FOXN3: variants seen among roughly 807,000 people sequenced by gnomAD.
FOXN3 encodes the protein forkhead box N3, also known as forkhead box protein N3.
Under a neutral mutation model 38.4 loss-of-function variants are expected in FOXN3, and 7 were observed. That is an observed-to-expected ratio of 0.18 (90% confidence interval 0.10 to 0.34). The LOEUF (loss-of-function observed/expected upper bound fraction) is 0.34. Among genes scored for constraint, FOXN3 ranks in the 10% least tolerant of loss-of-function variants. The pLI, the probability that FOXN3 is intolerant of heterozygous loss-of-function variation, is 1.00. For synonymous variants in FOXN3, 230 were observed against 242.2 expected, an observed-to-expected ratio of 0.95 and a Z score of 0.47; for missense variants, 456 against 613.4, an observed-to-expected ratio of 0.74 and a Z score of 2.71.
In FOXN3 at chr14:89,159,585, G is replaced by A. The variant is rs1039604340; in HGVS notation, c.*2829C>T. 7 of 152,410 alleles carry A rather than the reference G, an allele frequency of 4.6e-5. No homozygotes were observed. The highest frequency in any genetic ancestry group is 1.0e-4 in the Non-Finnish European group (7 of 68,046). The allele number at this position is 152,410 out of a possible 1,614,324, so 9.4% of individuals were successfully genotyped here. A position where few individuals can be genotyped will look rare whatever the true frequency, so the allele number is the denominator to read the frequency against. ...CCCCTTTAGAAAAATGAAATGAGGG[G>A]AGACAGCCCACGGTGGGGGTTTTAA... On this transcript the variant is annotated 3_prime_UTR_variant, in exon 6 of 6. Coordinates refer to ENST00000557258, the MANE Select transcript of FOXN3 (RefSeq NM_005197.4).
intron 5 of FOXN3, among the ~76,000 whole-genome samples, chr14:89,175,893 C>T (rs985025947): frequency 2.6e-5 from 4 of 152,062 alleles, no homozygotes; most frequent in Non-Finnish European, 5.9e-5. Context: ...GTGGGACAGC[C>T]CACGATGCTG....
chr14:89,311,071 A>G (rs577166905), intron 3 of FOXN3, among the ~76,000 whole-genome samples: 5 of 148,782 alleles, frequency 3.4e-5, no homozygotes, highest in African/African-American at 1.0e-4. Context: ...GCGCCATTGC[A>G]TTCCAGCCTG....
intron 2 of FOXN3, among the ~76,000 whole-genome samples, chr14:89,399,118 T>C (rs918787179): frequency 6.6e-6 from 1 of 152,264 alleles, no homozygotes; most frequent in Non-Finnish European, 1.5e-5. Flanking sequence ...AGCAGCTATC[T>C]TGATCCGGTG....
intron 4 of FOXN3, among the ~76,000 whole-genome samples, chr14:89,277,994 A>G (rs1886348644): frequency 6.6e-6 from 1 of 152,078 alleles, no homozygotes; most frequent in Admixed American, 6.5e-5. Context: ...CAGTTCTCCC[A>G]AGAAATGACA....
chr14:89,386,404 C>T (rs1321004947), intron 2 of FOXN3, among the ~76,000 whole-genome samples: 2 of 152,250 alleles, frequency 1.3e-5, no homozygotes, highest in African/African-American at 2.4e-5. Context: ...CCGCAGAGGC[C>T]TGCCCTGCAC....
intron 5 of FOXN3, among the ~76,000 whole-genome samples, chr14:89,168,235 T>C (rs769289576): frequency 3.3e-5 from 5 of 152,250 alleles, no homozygotes; most frequent in Non-Finnish European, 7.3e-5. Flanking sequence ...AAAGTTAGTA[T>C]GTTTAAATAA....
At chr14:89,511,004 C>T (rs1450669299) in intron 1 of FOXN3, among the ~76,000 whole-genome samples, 1 of 151,984 alleles carries the variant, frequency 6.6e-6, no homozygotes, top group East Asian at 1.9e-4. Context: ...GCTTCTTCTC[C>T]TGTTCCATTA....
At chr14:89,366,626 T>C (rs1008821754) in intron 2 of FOXN3, among the ~76,000 whole-genome samples, 4 of 152,190 alleles carry the variant, frequency 2.6e-5, no homozygotes, top group Admixed American at 1.3e-4. Flanking sequence ...TTTTTAAAGC[T>C]CAAGGCCTAG....
chr14:89,176,986 G>A (rs1290237092), intron 5 of FOXN3, among the ~76,000 whole-genome samples: 15 of 149,080 alleles, frequency 1.0e-4, no homozygotes, highest in Admixed American at 3.4e-4. Context: ...TTCTTTACTG[G>A]TTATCTCTCT....
intron 4 of FOXN3, among the ~76,000 whole-genome samples, chr14:89,268,438 TTAAC>T (rs1469217377): frequency 6.6e-6 from 1 of 152,216 alleles, no homozygotes; most frequent in African/African-American, 2.4e-5. Flanking sequence ...TATACTTAGT[TTAAC>T]TAACACTGTT....
At chr14:89,475,190 C>CAT (rs1415393234) in intron 1 of FOXN3, among the ~76,000 whole-genome samples, 1 of 152,118 alleles carries the variant, frequency 6.6e-6, no homozygotes. Flanking sequence ...TATACACACC[C>CAT]ATATATATAA....
chr14:89,560,176 A>T (rs972489649), intron 1 of FOXN3, among the ~76,000 whole-genome samples: 1 of 152,076 alleles, frequency 6.6e-6, no homozygotes. Flanking sequence ...AAATAACCAG[A>T]TCTTGTGGGA....
At chr14:89,269,313 A>T (rs1886074906) in intron 4 of FOXN3, among the ~76,000 whole-genome samples, 1 of 152,148 alleles carries the variant, frequency 6.6e-6, no homozygotes, top group African/African-American at 2.4e-5. Flanking sequence ...ATGACTTTGT[A>T]AAGTTCCGTA....
intron 2 of FOXN3, among the ~76,000 whole-genome samples, chr14:89,397,057 A>T (rs892506244): frequency 6.6e-6 from 1 of 152,144 alleles, no homozygotes; most frequent in African/African-American, 2.4e-5. Context: ...TTAATGACAG[A>T]TTGCATAAAG....
intron 3 of FOXN3, among the ~76,000 whole-genome samples, chr14:89,303,660 A>C (rs1191521956): frequency 6.6e-6 from 1 of 152,226 alleles, no homozygotes; most frequent in Non-Finnish European, 1.5e-5. Flanking sequence ...CATGATGCTT[A>C]CATAACTACC....
intron 1 of FOXN3, among the ~76,000 whole-genome samples, chr14:89,467,800 C>CTTTTTTTTTTTTTTTT (rs1383456566): frequency 3.5e-5 from 2 of 57,896 alleles, no homozygotes; most frequent in African/African-American, 5.3e-5. Context: ...TCTTTTCTTT[C>CTTTTTTTTTTTTTTTT]TTTGTTTTTT....
At chr14:89,213,640 T>C (rs1461167965) in intron 4 of FOXN3, among the ~76,000 whole-genome samples, 1 of 152,196 alleles carries the variant, frequency 6.6e-6, no homozygotes, top group Non-Finnish European at 1.5e-5. Context: ...AAGTAAAACT[T>C]AAGTATTTGT....
intron 1 of FOXN3, among the ~76,000 whole-genome samples, chr14:89,546,947 G>C (rs906695284): frequency 6.6e-6 from 1 of 151,292 alleles, no homozygotes; most frequent in African/African-American, 2.4e-5. Flanking sequence ...ACCACACCTG[G>C]CTAATTTTTG....
At chr14:89,437,186 CA>C (rs976823157) in intron 1 of FOXN3, among the ~76,000 whole-genome samples, 3 of 124,862 alleles carry the variant, frequency 2.4e-5, no homozygotes, top group African/African-American at 9.0e-5. Context: ...AAAAACAAAA[CA>C]AAACAAAAAA....
Sources: allele counts gnomAD v4.1 joint callset (sites outside exome capture counted in the v4.1 genomes callset), GRCh38; gene constraint gnomAD v4.1.1; transcripts MANE v1.5; gene names NCBI Gene and HGNC (gene_info 2026-07-23, HGNC 2026-07-21).